TM4SF18: variants seen among roughly 807,000 people sequenced by gnomAD.
TM4SF18 encodes the protein transmembrane 4 L six family member 18.
TM4SF18 carries 22 observed loss-of-function variants against 23.8 expected under a neutral mutation model. The ratio of observed to expected loss-of-function variants is 0.92; its 90% CI spans 0.66 to 1.32. TM4SF18 has a LOEUF of 1.32. Among genes scored for constraint, TM4SF18 ranks in the 40% most tolerant of loss-of-function variants. The probability of loss-of-function intolerance (pLI) is 0.00; values close to 1 mark genes in which losing one functional copy is unlikely to be tolerated. For missense variants in TM4SF18, 255 were observed against 240.3 expected, an observed-to-expected ratio of 1.06 and a Z score of -0.41; for synonymous variants, 87 against 87.9, an observed-to-expected ratio of 0.99 and a Z score of 0.06.
chr3:149,326,665 A>G (rs922117480), intron 3 of TM4SF18, among the ~76,000 whole-genome samples: 1 of 152,192 alleles, frequency 6.6e-6, no homozygotes, highest in African/African-American at 2.4e-5. Context: ...GCACAGAACA[A>G]CTTCCATTTC....
Position 149,327,502 on chromosome 3 carries a change from A to G in TM4SF18, c.268-2480T>C, listed in dbSNP as rs114035719. On this transcript the variant is annotated intron_variant, in intron 3 of 5. Transcript: ENST00000296059. ...AAAAATCCAGAGCTGGGGCTTGGAT[A>G]AAAAGGAGACAGAAATAAGGATACC... 4.9e-3 allele frequency among the ~76,000 whole-genome samples: 749 copies of G among 152,162 alleles called. 6 individuals carry two copies. Among genetic ancestry groups the G allele is most frequent in the Non-Finnish European group, 8.3e-3 (566 of 68,010 alleles).
In TM4SF18 at chr3:149,319,126, A is replaced by G. The variant is rs1304263622; in HGVS notation, c.*2352T>C. ...TGGTGGAGTCATTCAGCAAACATCT[A>G]TTAACAGTCCATTCAACGTACGGTG... On this transcript the variant is annotated 3_prime_UTR_variant, in exon 6 of 6. Coordinates refer to ENST00000296059, the MANE Select transcript of TM4SF18 (RefSeq NM_138786.4). The G allele has an allele frequency of 2.6e-5, 4 of 152,240 alleles. No homozygotes were observed. Among genetic ancestry groups the G allele is most frequent in the Non-Finnish European group, 5.9e-5 (4 of 68,034 alleles). The allele number at this position is 152,240 out of a possible 1,614,324, so 9.4% of individuals were successfully genotyped here. A position where few individuals can be genotyped will look rare whatever the true frequency, so the allele number is the denominator to read the frequency against.
At chr3:149,330,286 G>A (rs1289145340) in intron 3 of TM4SF18, 44 bp downstream of exon 3, 1 of 1,342,600 alleles carries the variant, frequency 7.4e-7, no homozygotes, top group Admixed American at 1.8e-5. Context: ...AGGAAAGAAA[G>A]CTGGAGCCCA....
intron 5 of TM4SF18, among the ~76,000 whole-genome samples, chr3:149,321,816 A>G (rs563639657): frequency 1.3e-5 from 2 of 152,260 alleles, no homozygotes; most frequent in South Asian, 4.1e-4. Context: ...CTTCAAAAGC[A>G]CTCCTATGCA....
chr3:149,321,231 C>G lies in TM4SF18; in HGVS notation c.*247G>C, dbSNP rs1440740195. 2.8e-6 allele frequency: 1 copy of G among 359,764 alleles called. No individual in the cohort carries two copies. The highest frequency in any genetic ancestry group is 5.2e-6 in the Non-Finnish European group (1 of 193,546). 22.3% of individuals were successfully genotyped at this position (359,764 alleles called of 1,614,324 possible). A position where few individuals can be genotyped will look rare whatever the true frequency, so the allele number is the denominator to read the frequency against. ...CTTATTTACTTCCCTAGTACAGATT[C>G]TTGGAAATGGATTTGTTTGATCAAA... On this transcript the variant is annotated 3_prime_UTR_variant, in exon 6 of 6. Transcript: ENST00000296059.
rs548004202 is a variant in TM4SF18 at position 149,321,139 on chromosome 3, T to C, written c.*339A>G. ...CTCTGAGTTTAGAATTTTGGGGTGT[T>C]TCCAATTTTCCAGAATATTAAATAA... On this transcript the variant is annotated 3_prime_UTR_variant, in exon 6 of 6. Transcript: ENST00000296059. 1.1e-5 allele frequency: 2 copies of C among 180,138 alleles called. No homozygotes were observed. The highest frequency in any genetic ancestry group is 4.7e-5 in the African/African-American group (2 of 42,916). 11.2% of individuals were successfully genotyped at this position (180,138 alleles called of 1,614,324 possible). A position where few individuals can be genotyped will look rare whatever the true frequency, so the allele number is the denominator to read the frequency against.
rs1390585923 is a variant in TM4SF18, at chr3:149,320,044, AG to A, written c.*1433del. 2.0e-5 allele frequency: 3 copies of A among 152,362 alleles called. No individual in the cohort carries two copies. Among genetic ancestry groups the A allele is most frequent in the Non-Finnish European group, 2.9e-5 (2 of 68,152 alleles). 9.4% of individuals were successfully genotyped at this position (152,362 alleles called of 1,614,324 possible). On this transcript the variant is annotated 3_prime_UTR_variant, in exon 6 of 6. Coordinates refer to ENST00000296059, the MANE Select transcript of TM4SF18 (RefSeq NM_138786.4). ...AGCAAAGGCTGTGAACAAGGCTTAAAGGGGGCTGTTGGCACAGCAGGCATCA... is the reference window on the plus strand; with the variant it reads ...AGCAAAGGCTGTGAACAAGGCTTAAAGGGGCTGTTGGCACAGCAGGCATCA...
In TM4SF18 at chr3:149,327,146, C is replaced by T. The variant is rs569756860; in HGVS notation, c.268-2124G>A. Reference sequence around the variant, plus strand: ...TGTATTTTTAGTAGATATGGGGTTTCACCATGTTGGCCAGGCTGCTCTCAA... The same window carrying T: ...TGTATTTTTAGTAGATATGGGGTTTTACCATGTTGGCCAGGCTGCTCTCAA... On this transcript the variant is annotated intron_variant, in intron 3 of 5. Transcript: ENST00000296059. Among the ~76,000 whole-genome samples, 21 of 152,302 alleles carry T rather than the reference C, an allele frequency of 1.4e-4. No individual in the cohort carries two copies. The South Asian group carries it at 4.1e-3, about 30-fold the overall frequency.
intron 4 of TM4SF18, 147 bp from the exon 5 acceptor site, chr3:149,322,583 A>T: frequency 1.5e-6 from 1 of 668,610 alleles, no homozygotes; most frequent in Non-Finnish European, 2.5e-6. Context: ...AGATACACAT[A>T]TTGGACATAT....
chr3:149,331,418 T>C (rs1476580463), intron 2 of TM4SF18, among the ~76,000 whole-genome samples: 2 of 152,044 alleles, frequency 1.3e-5, no homozygotes, highest in East Asian at 3.9e-4. Context: ...AGCAAAAGAG[T>C]CCTATATTCC....
At chr3:149,322,476 A>C (rs1416016914) in intron 4 of TM4SF18, 40 bp from the exon 5 acceptor site, 1 of 1,555,360 alleles carries the variant, frequency 6.4e-7, no homozygotes, top group South Asian at 1.2e-5. Context: ...ACTGGGTCCA[A>C]GGAAGAAAGC....
rs1730800599 is a variant in TM4SF18, at chr3:149,321,339, T to C, written c.*139A>G. 3.5e-6 allele frequency: 2 copies of C among 564,724 alleles called. No individual in the cohort carries two copies. The highest frequency in any genetic ancestry group is 6.0e-5 in the East Asian group (2 of 33,496). The allele number at this position is 564,724 out of a possible 1,614,324, so 35.0% of individuals were successfully genotyped here. A position where few individuals can be genotyped will look rare whatever the true frequency, so the allele number is the denominator to read the frequency against. On this transcript the variant is annotated 3_prime_UTR_variant, in exon 6 of 6. Transcript: ENST00000296059. Reference sequence around the variant, plus strand: ...AAGGGTGGTATACTTGCATGTGCAGTGAGGACTGCAAATTTTTTACAAATA... The same window carrying C: ...AAGGGTGGTATACTTGCATGTGCAGCGAGGACTGCAAATTTTTTACAAATA...
Position 149,322,448 on chromosome 3 carries a change from C to T in TM4SF18, c.411-12G>A. 2 of 1,607,566 alleles carry T rather than the reference C, an allele frequency of 1.2e-6. No homozygotes were observed. The highest frequency in any genetic ancestry group is 1.7e-6 in the Non-Finnish European group (2 of 1,176,910). On this transcript the variant is annotated splice_polypyrimidine_tract_variant and intron_variant, in intron 4 of 5. Transcript: ENST00000296059. ...AATCTGTAAGGAAACTGAGAGAGAC[C>T]CATGGCCAAATCTACATACTGGGTC...
chr3:149,325,135 C>A, intron 3 of TM4SF18, 113 bp from the exon 4 acceptor site: 4 of 918,882 alleles, frequency 4.4e-6, no homozygotes, highest in Non-Finnish European at 6.4e-6. Context: ...GCAGTCTATA[C>A]AATACTAAAT....
At position 149,325,527 on chromosome 3, in the gene TM4SF18, G is replaced by C. The variant is rs148846031; in HGVS notation, c.268-505C>G. On this transcript the variant is annotated intron_variant, in intron 3 of 5. Transcript: ENST00000296059. ...AGTGACGATAGGATTGATGGAGAGG[G>C]GGGTGTTTTCATTTGAGTAGAGAGA... Among the ~76,000 whole-genome samples, 11 of 152,280 alleles carry C rather than the reference G, an allele frequency of 7.2e-5. No homozygotes were observed. The East Asian group carries it at 2.1e-3, about 29-fold the overall frequency.
intron 4 of TM4SF18, among the ~76,000 whole-genome samples, chr3:149,324,642 T>A (rs926666102): frequency 6.6e-6 from 1 of 152,144 alleles, no homozygotes; most frequent in African/African-American, 2.4e-5. Context: ...TTTGGATAGC[T>A]CCATGACAAC....
chr3:149,321,284 T>C lies in TM4SF18; in HGVS notation c.*194A>G, dbSNP rs1258934691. ...GCAGAAGTATTTCTGAAGTTTCTGA[T>C]GCATATTACTTAAAAAACATACTAA... On this transcript the variant is annotated 3_prime_UTR_variant, in exon 6 of 6. Coordinates refer to ENST00000296059, the MANE Select transcript of TM4SF18 (RefSeq NM_138786.4). The C allele has an allele frequency of 4.8e-6, 2 of 417,008 alleles. No individual in the cohort carries two copies. The highest frequency in any genetic ancestry group is 2.1e-5 in the African/African-American group (1 of 48,676). 25.8% of individuals were successfully genotyped at this position (417,008 alleles called of 1,614,324 possible).
chr3:149,323,503 G>A (rs1413974739), intron 4 of TM4SF18, among the ~76,000 whole-genome samples: 1 of 152,166 alleles, frequency 6.6e-6, no homozygotes, highest in East Asian at 1.9e-4. Context: ...GACCCCAAAT[G>A]GTGGGACTGG....
At position 149,321,131 on chromosome 3, in the gene TM4SF18, T is replaced by G. The variant is rs1576829688; in HGVS notation, c.*347A>C. On this transcript the variant is annotated 3_prime_UTR_variant, in exon 6 of 6. Transcript: ENST00000296059. Reference sequence around the variant, plus strand: ...AATCCTTCCTCTGAGTTTAGAATTTTGGGGTGTTTCCAATTTTCCAGAATA... The same window carrying G: ...AATCCTTCCTCTGAGTTTAGAATTTGGGGGTGTTTCCAATTTTCCAGAATA... 1 of 174,804 alleles carries G rather than the reference T, an allele frequency of 5.7e-6. No homozygotes were observed. Among genetic ancestry groups the G allele is most frequent in the African/African-American group, 2.3e-5 (1 of 42,626 alleles). The allele number at this position is 174,804 out of a possible 1,614,324, so 10.8% of individuals were successfully genotyped here. A position where few individuals can be genotyped will look rare whatever the true frequency, so the allele number is the denominator to read the frequency against.
Sources: gnomAD v4.1 joint callset for allele counts (sites outside exome capture counted in the v4.1 genomes callset) on GRCh38, gnomAD v4.1.1 for gene constraint, MANE v1.5 for transcripts, NCBI Gene and HGNC (gene_info 2026-07-23, HGNC 2026-07-21) for gene names.